The following TCEA1 variants were observed in gnomAD, a reference collection of about 807,000 sequenced individuals.
TCEA1 encodes transcription elongation factor A protein 1.
Under a neutral mutation model 43.8 loss-of-function variants are expected in TCEA1, and 21 were observed. The observed-to-expected ratio is 0.48, with a 90% CI of 0.34 to 0.69. The LOEUF (loss-of-function observed/expected upper bound fraction) is 0.69, where lower values mean the gene tolerates loss of function less well. Among genes scored for constraint, TCEA1 ranks in the 30% least tolerant of loss-of-function variants. TCEA1 has a pLI of 0.01. For missense variants in TCEA1, 250 were observed against 365.1 expected (o/e 0.68, Z 2.57); for synonymous variants, 104 against 117.5 (o/e 0.88, Z 0.75).
chr8:54,014,385 G>C (rs757475157), intron 1 of TCEA1, among the ~76,000 whole-genome samples: 6 of 150,624 alleles, frequency 4.0e-5, no homozygotes, highest in Non-Finnish European at 7.5e-5. Flanking sequence ...TAAGGCAGGA[G>C]GATCACTTGA....
intron 8 of TCEA1, among the ~76,000 whole-genome samples, chr8:53,978,293 C>A (rs1803393667): frequency 6.6e-6 from 1 of 152,114 alleles, no homozygotes; most frequent in African/African-American, 2.4e-5. Flanking sequence ...AGAAAGAAAT[C>A]TTATCTCCTC....
intron 8 of TCEA1, among the ~76,000 whole-genome samples, chr8:53,977,784 C>A (rs184143562): frequency 6.6e-6 from 1 of 152,064 alleles, no homozygotes; most frequent in African/African-American, 2.4e-5. Flanking sequence ...AATAAAAAGG[C>A]TAGTCATATC....
intron 5 of TCEA1, 91 bp downstream of exon 5, chr8:53,988,023 T>A: frequency 6.7e-7 from 1 of 1,489,544 alleles, no homozygotes; most frequent in African/African-American, 1.4e-5. Flanking sequence ...ATCCACAGGG[T>A]AACACTCATC....
At chr8:54,000,098 C>A (rs1804208534) in intron 2 of TCEA1, 48 bp from the exon 3 acceptor site, 3 of 1,092,606 alleles carry the variant, frequency 2.7e-6, no homozygotes, top group African/African-American at 1.6e-5. Context: ...TTATTTTAAA[C>A]AAATTAGTAT....
intron 9 of TCEA1, among the ~76,000 whole-genome samples, chr8:53,968,892 G>A (rs1585980007): frequency 2.0e-5 from 3 of 152,164 alleles, no homozygotes; most frequent in Non-Finnish European, 2.9e-5. Context: ...CTAGACCAAT[G>A]ACAACTTCTG....
chr8:53,976,227 G>A (rs1016456092), intron 8 of TCEA1, among the ~76,000 whole-genome samples: 7 of 152,088 alleles, frequency 4.6e-5, no homozygotes, highest in Non-Finnish European at 1.0e-4. Flanking sequence ...TCATGACACC[G>A]GTAAACTATT....
chr8:54,011,641 A>C (rs551627836), intron 1 of TCEA1, among the ~76,000 whole-genome samples: 32 of 152,174 alleles, frequency 2.1e-4, no homozygotes, highest in Middle Eastern at 3.4e-3. Context: ...CTATCCCCCC[A>C]AAAAAACAGA....
At chr8:53,984,067 T>A (rs1247628468) in intron 7 of TCEA1, among the ~76,000 whole-genome samples, 1 of 152,146 alleles carries the variant, frequency 6.6e-6, no homozygotes, top group Non-Finnish European at 1.5e-5. Context: ...GCCATTGCAC[T>A]CCAGCCTGGT....
intron 8 of TCEA1, among the ~76,000 whole-genome samples, chr8:53,974,581 G>A (rs1477577303): frequency 6.6e-6 from 1 of 152,002 alleles, no homozygotes; most frequent in Non-Finnish European, 1.5e-5. Context: ...AGGCTGGAGT[G>A]CAATGGCATG....
chr8:53,987,294 G>A (rs745980646), intron 5 of TCEA1, among the ~76,000 whole-genome samples: 3 of 152,146 alleles, frequency 2.0e-5, no homozygotes, highest in East Asian at 1.9e-4. Flanking sequence ...TTCATTTTTC[G>A]TAACTCCATA....
intron 2 of TCEA1, among the ~76,000 whole-genome samples, chr8:54,003,290 A>T (rs2129309853): frequency 6.6e-6 from 1 of 152,324 alleles, no homozygotes; most frequent in African/African-American, 2.4e-5. Flanking sequence ...CTGCAATACT[A>T]ATCAAGTCGA....
intron 2 of TCEA1, among the ~76,000 whole-genome samples, chr8:54,008,913 A>G: frequency 6.7e-6 from 1 of 149,786 alleles, no homozygotes; most frequent in African/African-American, 2.5e-5. Flanking sequence ...GCAGTGGCGC[A>G]ATCTCAGCTC....
chr8:54,019,816 G>C (rs865995789), intron 1 of TCEA1, among the ~76,000 whole-genome samples: 19 of 152,124 alleles, frequency 1.2e-4, no homozygotes, highest in Admixed American at 3.3e-4. Context: ...TGAATTTCCA[G>C]AGGACAGGCA....
At chr8:53,981,341 G>A (rs991887777) in intron 7 of TCEA1, among the ~76,000 whole-genome samples, 6 of 152,142 alleles carry the variant, frequency 3.9e-5, no homozygotes, top group African/African-American at 1.2e-4. Context: ...AGAAGTCAAC[G>A]CCTGCCTTCA....
intron 6 of TCEA1, among the ~76,000 whole-genome samples, chr8:53,985,062 C>CT (rs1803645802): frequency 6.6e-6 from 1 of 152,102 alleles, no homozygotes; most frequent in Non-Finnish European, 1.5e-5. Context: ...GAGTCTCACT[C>CT]TGTCACCCAG....
At chr8:54,004,178 G>A (rs1166889929) in intron 2 of TCEA1, among the ~76,000 whole-genome samples, 1 of 152,170 alleles carries the variant, frequency 6.6e-6, no homozygotes, top group Non-Finnish European at 1.5e-5. Context: ...CTCGTTTACT[G>A]CTACTAGGGA....
chr8:54,010,866 A>G (rs890517204), intron 1 of TCEA1, among the ~76,000 whole-genome samples: 1 of 151,792 alleles, frequency 6.6e-6, no homozygotes, highest in Admixed American at 6.6e-5. Flanking sequence ...GTTGGAGTGC[A>G]GTGGTGTGAT....
chr8:53,981,674 T>C (rs1803506057), intron 7 of TCEA1, among the ~76,000 whole-genome samples: 1 of 152,070 alleles, frequency 6.6e-6, no homozygotes, highest in South Asian at 2.1e-4. Context: ...GATGGAGACA[T>C]ACAAGGAGAT....
intron 7 of TCEA1, 33 bp from the exon 8 acceptor site, chr8:53,979,204 A>C (rs1489050798): frequency 1.9e-6 from 3 of 1,595,896 alleles, no homozygotes; most frequent in Non-Finnish European, 2.6e-6. Flanking sequence ...ACTCAGTTAT[A>C]GACACCTTCT....
Sources: allele counts gnomAD v4.1 joint callset (sites outside exome capture counted in the v4.1 genomes callset), GRCh38; gene constraint gnomAD v4.1.1; transcripts MANE v1.5; gene names NCBI Gene and HGNC (gene_info 2026-07-23, HGNC 2026-07-21).